Variants in BTBD9 observed in about 807,000 individuals in gnomAD.
BTBD9 encodes the protein BTB/POZ domain-containing protein 9.
Under a neutral mutation model 64.3 loss-of-function variants are expected in BTBD9, and 49 were observed. That is an observed-to-expected ratio of 0.76 (90% confidence interval 0.61 to 0.97). The LOEUF is 0.97. Ranked by LOEUF, BTBD9 falls within the 50% of genes least tolerant of loss-of-function variation. The probability of loss-of-function intolerance (pLI) is 0.00; values close to 1 mark genes in which losing one functional copy is unlikely to be tolerated. For synonymous variants in BTBD9, 260 were observed against 274.7 expected (o/e 0.95, Z 0.53); for missense variants, 598 against 762.1 (o/e 0.78, Z 2.53).
chr6:38,397,471 A>G (rs1766732092), intron 6 of BTBD9, among the ~76,000 whole-genome samples: 1 of 152,224 alleles, frequency 6.6e-6, no homozygotes, highest in Non-Finnish European at 1.5e-5. Context: ...CAACTCATTG[A>G]GATGAGAACT....
intron 10 of BTBD9, among the ~76,000 whole-genome samples, chr6:38,177,973 ACCCTGGAAGC>A (rs569032090): frequency 1.3e-3 from 196 of 152,222 alleles, no homozygotes; most frequent in African/African-American, 4.5e-3. Context: ...AAGTTAGGGG[ACCCTGGAAGC>A]CCCTGGAAGC....
At chr6:38,312,494 G>A (rs555638871) in intron 7 of BTBD9, among the ~76,000 whole-genome samples, 1 of 152,166 alleles carries the variant, frequency 6.6e-6, no homozygotes, top group Non-Finnish European at 1.5e-5. Flanking sequence ...CAATGGCCTG[G>A]AGAGTTCTTT....
At chr6:38,335,084 C>T (rs563204187) in intron 7 of BTBD9, among the ~76,000 whole-genome samples, 1 of 152,088 alleles carries the variant, frequency 6.6e-6, no homozygotes, top group South Asian at 2.1e-4. Context: ...CTCTCTCCCT[C>T]TCTCTCCTGC....
intron 7 of BTBD9, among the ~76,000 whole-genome samples, chr6:38,299,873 T>A (rs1456959224): frequency 6.6e-6 from 1 of 152,226 alleles, no homozygotes; most frequent in Non-Finnish European, 1.5e-5. Flanking sequence ...TAGATCCCAT[T>A]TGTCAATTTT....
chr6:38,465,507 T>C (rs1319213954), intron 6 of BTBD9, among the ~76,000 whole-genome samples: 1 of 143,366 alleles, frequency 7.0e-6, no homozygotes, highest in Non-Finnish European at 1.5e-5. Flanking sequence ...GGTGGGCGCC[T>C]GTAGTCCCAG....
At chr6:38,598,923 A>T (rs76049211) in intron 1 of BTBD9, among the ~76,000 whole-genome samples, 3,611 of 152,112 alleles carry the variant, frequency 0.024, 74 homozygotes, top group African/African-American at 0.054. Flanking sequence ...TTCTCAAAAA[A>T]AATAATAATA....
chr6:38,202,661 G>T (rs1762507265), intron 9 of BTBD9, among the ~76,000 whole-genome samples: 1 of 151,944 alleles, frequency 6.6e-6, no homozygotes, highest in Admixed American at 6.6e-5. Flanking sequence ...CTTACACCAG[G>T]GAAAGGATAC....
intron 7 of BTBD9, 147 bp from the exon 8 acceptor site, chr6:38,288,608 T>C (rs1761838580): frequency 2.8e-6 from 2 of 713,134 alleles, no homozygotes; most frequent in South Asian, 3.9e-5. Context: ...CAGATATGAA[T>C]ACATTTTCCA....
chr6:38,241,750 G>C (rs1418947368), intron 9 of BTBD9, among the ~76,000 whole-genome samples: 5 of 152,204 alleles, frequency 3.3e-5, no homozygotes, highest in African/African-American at 1.2e-4. Flanking sequence ...AATGTCAACT[G>C]TGGGGAAAAT....
At chr6:38,310,329 C>G (rs952700541) in intron 7 of BTBD9, among the ~76,000 whole-genome samples, 3 of 151,954 alleles carry the variant, frequency 2.0e-5, no homozygotes, top group African/African-American at 7.3e-5. Context: ...GAGCTGTGAA[C>G]TTGGAGACCT....
intron 6 of BTBD9, among the ~76,000 whole-genome samples, chr6:38,461,423 G>A (rs1049058649): frequency 6.6e-6 from 1 of 152,140 alleles, no homozygotes; most frequent in Admixed American, 6.5e-5. Flanking sequence ...CATACAGTAT[G>A]TATTATTTTT....
At chr6:38,248,846 G>C (rs1764295414) in intron 9 of BTBD9, among the ~76,000 whole-genome samples, 1 of 152,186 alleles carries the variant, frequency 6.6e-6, no homozygotes, top group Non-Finnish European at 1.5e-5. Context: ...TGAATTTCGA[G>C]AAAATGATAT....
At chr6:38,342,334 G>A (rs927784182) in intron 7 of BTBD9, among the ~76,000 whole-genome samples, 2 of 151,770 alleles carry the variant, frequency 1.3e-5, no homozygotes, top group African/African-American at 2.4e-5. Flanking sequence ...TCAGGAGTTC[G>A]AGACCAGCCT....
intron 6 of BTBD9, among the ~76,000 whole-genome samples, chr6:38,573,575 C>T (rs1027473087): frequency 7.9e-5 from 12 of 152,144 alleles, no homozygotes; most frequent in African/African-American, 2.7e-4. Flanking sequence ...CCTCTCTCAA[C>T]GGGCATAACC....
In BTBD9 at chr6:38,556,969, G is replaced by A. The variant is rs573616619; in HGVS notation, c.1154+20631C>T. 3.9e-5 allele frequency among the ~76,000 whole-genome samples: 5 copies of A among 127,292 alleles called. No homozygotes were observed. In the South Asian group the frequency reaches 1.3e-3, roughly 34 times the overall value. 83.5% of individuals were successfully genotyped at this position (127,292 alleles called of 152,430 possible). ...TGGTGGTTGCAGTGACCCGAGATCG[G>A]GCCATTGCACTCCAGCTTGGGGAAC... On this transcript the variant is annotated intron_variant, in intron 6 of 10. Coordinates refer to ENST00000481247, the MANE Select transcript of BTBD9 (RefSeq NM_001099272.2).
At chr6:38,314,646 G>A (rs780694988) in intron 7 of BTBD9, among the ~76,000 whole-genome samples, 4 of 151,548 alleles carry the variant, frequency 2.6e-5, no homozygotes, top group Non-Finnish European at 5.9e-5. Flanking sequence ...TTTTTATTAC[G>A]GCTTCAATCT....
chr6:38,243,419 G>A (rs1381824345), intron 9 of BTBD9, among the ~76,000 whole-genome samples: 1 of 151,754 alleles, frequency 6.6e-6, no homozygotes, highest in Non-Finnish European at 1.5e-5. Flanking sequence ...TAGCAACAGT[G>A]TTCTAGACTC....
intron 6 of BTBD9, among the ~76,000 whole-genome samples, chr6:38,454,412 T>C (rs375640974): frequency 7.2e-5 from 11 of 151,744 alleles, no homozygotes; most frequent in African/African-American, 2.4e-4. Context: ...CTTTTCACAG[T>C]GGTTTTTAAG....
At chr6:38,249,638 GC>G (rs1434211504) in intron 9 of BTBD9, among the ~76,000 whole-genome samples, 2 of 151,988 alleles carry the variant, frequency 1.3e-5, no homozygotes, top group East Asian at 3.9e-4. Context: ...AACACAGCAA[GC>G]CCCCAGGACA....
Sources: allele counts gnomAD v4.1 joint callset (sites outside exome capture counted in the v4.1 genomes callset), GRCh38; gene constraint gnomAD v4.1.1; transcripts MANE v1.5; gene names NCBI Gene and HGNC (gene_info 2026-07-23, HGNC 2026-07-21).